Variants in CDH12 observed in about 807,000 individuals in gnomAD.
The protein encoded by CDH12 is cadherin-12.
Under a neutral mutation model 74.1 loss-of-function variants are expected in CDH12, and 41 were observed. The ratio of observed to expected loss-of-function variants is 0.55; its 90% CI spans 0.43 to 0.72. The LOEUF (loss-of-function observed/expected upper bound fraction) is 0.72. CDH12 is among the 30% of genes least tolerant of loss of function. The pLI, the probability that CDH12 is intolerant of heterozygous loss-of-function variation, is 0.00. For synonymous variants in CDH12, 399 were observed against 355.0 expected (o/e 1.12, Z -1.39); for missense variants, 945 against 977.2 (o/e 0.97, Z 0.44).
intron 1 of CDH12, among the ~76,000 whole-genome samples, chr5:22,586,296 C>T (rs1220094973): frequency 6.6e-6 from 1 of 151,882 alleles, no homozygotes; most frequent in Non-Finnish European, 1.5e-5. Flanking sequence ...AATGAGAACA[C>T]TTGGACACGG....
chr5:22,298,931 T>C (rs547516151), intron 3 of CDH12, among the ~76,000 whole-genome samples: 70 of 152,314 alleles, frequency 4.6e-4, no homozygotes, highest in African/African-American at 1.6e-3. Flanking sequence ...TCATTACTCA[T>C]TCATCATTCA....
intron 3 of CDH12, among the ~76,000 whole-genome samples, chr5:22,315,711 A>G (rs1342319553): frequency 6.6e-6 from 1 of 152,164 alleles, no homozygotes; most frequent in Non-Finnish European, 1.5e-5. Flanking sequence ...GTTTGGGACA[A>G]TAATTTTTGG....
Position 22,696,049 on chromosome 5 carries a change from A to G in CDH12, c.-523+157009T>C, listed in dbSNP as rs533342091. The stretch of plus-strand genomic sequence containing the variant: ...GTATTTGTCTCTTAATCCCACCAGA[A>G]TAGGTTTTAGTGTCCATCCTTAAAA... On this transcript the variant is annotated intron_variant, in intron 1 of 14. Transcript: ENST00000382254. Among the ~76,000 whole-genome samples, 4 of 152,246 alleles carry G rather than the reference A, an allele frequency of 2.6e-5. No individual in the cohort carries two copies. In the South Asian group the frequency reaches 8.3e-4, roughly 32 times the overall value.
Position 21,751,606 on chromosome 5 carries a change from C to CAGAA in CDH12, c.*130_*131insTTCT, listed in dbSNP as rs11270041. ...CCAGGTAATCAAAGGAATCTTGTCC[C>CAGAA]AGAGTGTGTGTGTGTGTGTGTGTGT... On this transcript the variant is annotated 3_prime_UTR_variant, in exon 15 of 15. Transcript: ENST00000382254. The CAGAA allele has an allele frequency of 0.61, 362,744 of 591,746 alleles. 112,601 individuals carry two copies. Among genetic ancestry groups the CAGAA allele is most frequent in the Non-Finnish European group, 0.67 (236,654 of 355,332 alleles). The allele number at this position is 591,746 out of a possible 1,614,324, so 36.7% of individuals were successfully genotyped here.
At chr5:22,154,675 AAAAAT>A (rs1479817725) in intron 4 of CDH12, among the ~76,000 whole-genome samples, 1 of 151,760 alleles carries the variant, frequency 6.6e-6, no homozygotes, top group African/African-American at 2.4e-5. Context: ...TAATAATATC[AAAAAT>A]AAAATAAAAA....
Position 22,811,979 on chromosome 5 carries a change from G to A in CDH12, c.-523+41079C>T, listed in dbSNP as rs78026449. 1.2e-3 allele frequency among the ~76,000 whole-genome samples: 184 copies of A among 152,164 alleles called. 1 individual carries two copies. The East Asian group carries it at 0.023, about 19-fold the overall frequency. On this transcript the variant is annotated intron_variant, in intron 1 of 14. Transcript: ENST00000382254. ...CTGAAATAACATGGCAGAGAAAAGTGGACACTGGCTCTTTAGGGGCAAATA... is the reference window on the plus strand; with the variant it reads ...CTGAAATAACATGGCAGAGAAAAGTAGACACTGGCTCTTTAGGGGCAAATA...
At chr5:22,724,883 T>G (rs1744084444) in intron 1 of CDH12, among the ~76,000 whole-genome samples, 1 of 151,800 alleles carries the variant, frequency 6.6e-6, no homozygotes, top group African/African-American at 2.4e-5. Flanking sequence ...TTTAAAAAAT[T>G]TCTATATAAA....
At chr5:21,841,227 CA>C (rs1749829303) in intron 8 of CDH12, among the ~76,000 whole-genome samples, 1 of 150,668 alleles carries the variant, frequency 6.6e-6, no homozygotes, top group Non-Finnish European at 1.5e-5. Flanking sequence ...CAAAAGAAGA[CA>C]TTTATGCAGC....
At chr5:21,877,412 T>C (rs1204872161) in intron 6 of CDH12, among the ~76,000 whole-genome samples, 1 of 152,164 alleles carries the variant, frequency 6.6e-6, no homozygotes, top group African/African-American at 2.4e-5. Flanking sequence ...ATTTATTTAT[T>C]TATCTATTTA....
chr5:22,298,914 T>G (rs1055545180), intron 3 of CDH12, among the ~76,000 whole-genome samples: 12 of 152,198 alleles, frequency 7.9e-5, no homozygotes, highest in African/African-American at 2.9e-4. Flanking sequence ...AAATGCAAAT[T>G]AATAACTCAT....
chr5:22,009,939 CAA>C lies in CDH12; in HGVS notation c.232-34556_232-34555del, dbSNP rs774589642. Among the ~76,000 whole-genome samples, 271 of 54,326 alleles carry C rather than the reference CAA, an allele frequency of 5.0e-3. 3 individuals are homozygous for C. Among genetic ancestry groups the C allele is most frequent in the African/African-American group, 0.014 (243 of 17,830 alleles). 35.6% of individuals were successfully genotyped at this position (54,326 alleles called of 152,430 possible). On this transcript the variant is annotated intron_variant, in intron 5 of 14. Coordinates refer to ENST00000382254, the MANE Select transcript of CDH12 (RefSeq NM_004061.5). Reference sequence around the variant, plus strand: ...GTTGCAGTGAGCCAAGAAACTGTCTCAAAAAAAAAAAAAAAAAAAAGAAAAAA... The same window carrying C: ...GTTGCAGTGAGCCAAGAAACTGTCTCAAAAAAAAAAAAAAAAAAGAAAAAA...
chr5:22,322,000 A>C (rs1738905514), intron 3 of CDH12, among the ~76,000 whole-genome samples: 1 of 152,158 alleles, frequency 6.6e-6, no homozygotes, highest in African/African-American at 2.4e-5. Flanking sequence ...ATAAATAGCA[A>C]ATTCGTTATC....
chr5:22,299,933 C>G (rs990709403), intron 3 of CDH12, among the ~76,000 whole-genome samples: 1 of 152,024 alleles, frequency 6.6e-6, no homozygotes, highest in African/African-American at 2.4e-5. Context: ...GAAATTAATT[C>G]CCAAGCAAAT....
chr5:22,153,357 C>A (rs371187934), intron 4 of CDH12, among the ~76,000 whole-genome samples: 1,529 of 151,594 alleles, frequency 0.01, 25 homozygotes, highest in African/African-American at 0.035. Flanking sequence ...CCCTCCCATC[C>A]CGTGTGATGT....
At chr5:22,597,270 A>AT (rs1181401429) in intron 1 of CDH12, among the ~76,000 whole-genome samples, 1 of 152,122 alleles carries the variant, frequency 6.6e-6, no homozygotes, top group African/African-American at 2.4e-5. Flanking sequence ...ATAACAACTA[A>AT]TTTTTTTAAA....
At chr5:22,794,591 A>G (rs1384488151) in intron 1 of CDH12, among the ~76,000 whole-genome samples, 1 of 152,188 alleles carries the variant, frequency 6.6e-6, no homozygotes, top group Non-Finnish European at 1.5e-5. Context: ...TTTAAATGCA[A>G]TATTCACAGA....
intron 3 of CDH12, among the ~76,000 whole-genome samples, chr5:22,296,799 A>T (rs992894424): frequency 3.3e-5 from 5 of 152,176 alleles, no homozygotes; most frequent in African/African-American, 1.2e-4. Context: ...TAAGCAATAA[A>T]GTTTTGCTGC....
chr5:21,931,837 G>A (rs925211960), intron 6 of CDH12, among the ~76,000 whole-genome samples: 1 of 152,078 alleles, frequency 6.6e-6, no homozygotes, highest in Non-Finnish European at 1.5e-5. Flanking sequence ...CTCTTTTCCT[G>A]TTTAACCTCA....
At chr5:22,553,926 ACAT>A (rs370703023) in intron 1 of CDH12, among the ~76,000 whole-genome samples, 208 of 152,346 alleles carry the variant, frequency 1.4e-3, no homozygotes, top group African/African-American at 4.9e-3. Context: ...TGGAGTATAA[ACAT>A]AAAAGAATAC....
Sources: allele counts gnomAD v4.1 joint callset (sites outside exome capture counted in the v4.1 genomes callset), GRCh38; gene constraint gnomAD v4.1.1; transcripts MANE v1.5; gene names NCBI Gene and HGNC (gene_info 2026-07-23, HGNC 2026-07-21).